Variants in ROBO2 observed in about 807,000 individuals in gnomAD.
ROBO2 encodes roundabout guidance receptor 2.
ROBO2 carries 53 observed loss-of-function variants against 160.8 expected under a neutral mutation model. The observed-to-expected ratio is 0.33, with a 90% CI of 0.26 to 0.41. The LOEUF (loss-of-function observed/expected upper bound fraction) is 0.41, where lower values mean the gene tolerates loss of function less well. Among genes scored for constraint, ROBO2 ranks in the 10% least tolerant of loss-of-function variants. The pLI, the probability that ROBO2 is intolerant of heterozygous loss-of-function variation, is 1.00. For synonymous variants in ROBO2, 664 were observed against 611.7 expected, an observed-to-expected ratio of 1.09 and a Z score of -1.26; for missense variants, 1,577 against 1,722.4, an observed-to-expected ratio of 0.92 and a Z score of 1.49.
chr3:76,044,538 GATTCATTCATTCATTCATTC>G (rs59745987), intron 2 of ROBO2, among the ~76,000 whole-genome samples: 2 of 149,422 alleles, frequency 1.3e-5, no homozygotes, highest in Non-Finnish European at 3.0e-5. Flanking sequence ...CAGTCACAGA[GATTCATTCATTCATTCATTC>G]ATTCATTCAT....
At chr3:77,558,546 T>A (rs758305554) in intron 9 of ROBO2, among the ~76,000 whole-genome samples, 9 of 151,762 alleles carry the variant, frequency 5.9e-5, no homozygotes, top group Non-Finnish European at 1.2e-4. Flanking sequence ...GGCCAAAGAG[T>A]TGAGTAGAAG....
intron 2 of ROBO2, among the ~76,000 whole-genome samples, chr3:76,398,930 T>C (rs1195513913): frequency 6.6e-6 from 1 of 151,774 alleles, no homozygotes; most frequent in Non-Finnish European, 1.5e-5. Flanking sequence ...AAACTTACCA[T>C]GTAGGACAAT....
chr3:76,681,966 A>AG, intron 2 of ROBO2, among the ~76,000 whole-genome samples: 1 of 152,110 alleles, frequency 6.6e-6, no homozygotes, highest in Non-Finnish European at 1.5e-5. Flanking sequence ...ACTTGTCTGG[A>AG]ATTTGAAGAA....
chr3:76,019,938 T>C (rs983298649), intron 2 of ROBO2, among the ~76,000 whole-genome samples: 2 of 151,918 alleles, frequency 1.3e-5, no homozygotes, highest in African/African-American at 4.8e-5. Flanking sequence ...TACTGTATAT[T>C]CCTTGGAATT....
intron 2 of ROBO2, among the ~76,000 whole-genome samples, chr3:75,980,430 T>C (rs1299961447): frequency 2.0e-5 from 3 of 151,584 alleles, no homozygotes; most frequent in Non-Finnish European, 4.4e-5. Flanking sequence ...GCTTTTTTTT[T>C]CTGCTTAGTA....
intron 2 of ROBO2, among the ~76,000 whole-genome samples, chr3:76,015,519 T>A (rs1020059645): frequency 6.6e-6 from 1 of 152,218 alleles, no homozygotes; most frequent in African/African-American, 2.4e-5. Flanking sequence ...TTTTACACAA[T>A]TTTAGCCATC....
intron 2 of ROBO2, among the ~76,000 whole-genome samples, chr3:76,362,906 A>G (rs913217128): frequency 1.3e-5 from 2 of 152,010 alleles, no homozygotes; most frequent in Non-Finnish European, 2.9e-5. Flanking sequence ...TCACTTGTGT[A>G]TGCTGATTCT....
intron 2 of ROBO2, among the ~76,000 whole-genome samples, chr3:75,987,487 C>T (rs547158883): frequency 6.6e-6 from 1 of 151,818 alleles, no homozygotes; most frequent in African/African-American, 2.4e-5. Flanking sequence ...AAGTATTACG[C>T]TGTGTACAAA....
At chr3:76,868,071 C>T (rs1300981637) in intron 2 of ROBO2, among the ~76,000 whole-genome samples, 2 of 152,092 alleles carry the variant, frequency 1.3e-5, no homozygotes, top group Non-Finnish European at 1.5e-5. Flanking sequence ...TAGGAGTATC[C>T]TATGCATATG....
chr3:76,392,057 T>G (rs972183023), intron 2 of ROBO2, among the ~76,000 whole-genome samples: 2 of 152,196 alleles, frequency 1.3e-5, no homozygotes, highest in African/African-American at 2.4e-5. Context: ...TAACATGTTT[T>G]CTTCATAACA....
At position 76,948,896 on chromosome 3, in the gene ROBO2, A is replaced by ATG. The variant is rs2078756931; in HGVS notation, c.110-149117_110-149116insGT. On this transcript the variant is annotated intron_variant, in intron 2 of 26. Transcript: ENST00000487694. Reference sequence around the variant, plus strand: ...ATTTTATATATATATATATATATATATATATATATATATTTTTTTTTTTTT... The same window carrying ATG: ...ATTTTATATATATATATATATATATATGTATATATATATATTTTTTTTTTTTT... Among the ~76,000 whole-genome samples the ATG allele has an allele frequency of 1.4e-4, 4 of 28,266 alleles. No individual in the cohort carries two copies. In the East Asian group the frequency reaches 5.8e-3, roughly 41 times the overall value. 18.5% of individuals were successfully genotyped at this position (28,266 alleles called of 152,430 possible).
In ROBO2 at chr3:75,996,354, G is replaced by A. The variant is rs183883685; in HGVS notation, c.109+58752G>A. ...TCTCATGGTTTCATAAGCGTCTGGC[G>A]TTTCCCCTCCTGGCACTCATTCTCT... On this transcript the variant is annotated intron_variant, in intron 2 of 26. Transcript: ENST00000487694. Among the ~76,000 whole-genome samples, 78 of 152,240 alleles carry A rather than the reference G, an allele frequency of 5.1e-4. 1 individual carries two copies. Among genetic ancestry groups the A allele is most frequent in the East Asian group, 4.3e-3 (22 of 5,172 alleles).
At chr3:77,147,647 T>C (rs1435508148) in intron 2 of ROBO2, among the ~76,000 whole-genome samples, 1 of 152,234 alleles carries the variant, frequency 6.6e-6, no homozygotes, top group Non-Finnish European at 1.5e-5. Flanking sequence ...TTTTACTATG[T>C]GTAATTTAAA....
intron 2 of ROBO2, among the ~76,000 whole-genome samples, chr3:77,325,203 C>A (rs1486469189): frequency 6.6e-6 from 1 of 152,102 alleles, no homozygotes; most frequent in Admixed American, 6.5e-5. Context: ...AAAATATATT[C>A]TCTGATCCTG....
At chr3:76,938,971 C>CAAAAAAAAAAAAAAAAAAAAAAAAA (rs71629626) in intron 2 of ROBO2, among the ~76,000 whole-genome samples, 15 of 114,598 alleles carry the variant, frequency 1.3e-4, no homozygotes, top group African/African-American at 4.7e-4. Context: ...AACTCAGTCT[C>CAAAAAAAAAAAAAAAAAAAAAAAAA]AAAAAAAAAA....
chr3:77,290,431 C>T (rs1580718626), intron 2 of ROBO2, among the ~76,000 whole-genome samples: 1 of 34,130 alleles, frequency 2.9e-5, no homozygotes, highest in African/African-American at 6.5e-5. Context: ...GAGGCTAGAT[C>T]ACCCCAGACA....
intron 2 of ROBO2, among the ~76,000 whole-genome samples, chr3:76,800,793 C>T (rs771386226): frequency 6.6e-6 from 1 of 152,016 alleles, no homozygotes; most frequent in Non-Finnish European, 1.5e-5. Context: ...ATTAGTACAG[C>T]CACTGCGGAG....
chr3:77,527,952 T>G (rs1308762439), intron 6 of ROBO2, among the ~76,000 whole-genome samples: 1 of 151,526 alleles, frequency 6.6e-6, no homozygotes. Context: ...TTACCCTAAG[T>G]GGGGGAGGGA....
At chr3:76,757,083 A>T (rs779562665) in intron 2 of ROBO2, among the ~76,000 whole-genome samples, 1 of 151,848 alleles carries the variant, frequency 6.6e-6, no homozygotes, top group Admixed American at 6.6e-5. Context: ...CAATCTATTT[A>T]AGGTATTTGT....
Sources: allele counts gnomAD v4.1 joint callset (sites outside exome capture counted in the v4.1 genomes callset), GRCh38; gene constraint gnomAD v4.1.1; transcripts MANE v1.5; gene names NCBI Gene and HGNC (gene_info 2026-07-23, HGNC 2026-07-21).